CCNL1: variants seen among roughly 807,000 people sequenced by gnomAD.
CCNL1 encodes the protein cyclin L1.
Under a neutral mutation model 60.6 loss-of-function variants are expected in CCNL1, and 13 were observed. That is an observed-to-expected ratio of 0.21 (90% confidence interval 0.14 to 0.34). The LOEUF is 0.34. CCNL1 is among the 10% of genes least tolerant of loss of function. The pLI, the probability that CCNL1 is intolerant of heterozygous loss-of-function variation, is 1.00. For synonymous variants in CCNL1, 270 were observed against 244.3 expected, an observed-to-expected ratio of 1.10 and a Z score of -0.98; for missense variants, 481 against 664.3, an observed-to-expected ratio of 0.72 and a Z score of 3.03.
chr3:157,152,620 T>C, intron 4 of CCNL1: 6 of 1,072,338 alleles, frequency 5.6e-6, no homozygotes, highest in South Asian at 2.9e-5. Context: ...CTAAGAGATG[T>C]TGGGAGAAAC....
chr3:157,159,653 C>G, intron 1 of CCNL1, 139 bp downstream of exon 1: 1 of 1,043,886 alleles, frequency 9.6e-7, no homozygotes. Context: ...CCGGCACGCC[C>G]CGGCCGCGGC....
intron 4 of CCNL1, chr3:157,152,488 G>A: frequency 1.7e-6 from 2 of 1,187,166 alleles, no homozygotes; most frequent in Non-Finnish European, 1.0e-6. Context: ...ATTTTTCATT[G>A]GCACTTTACT....
At chr3:157,159,310 C>A in intron 2 of CCNL1, 95 bp downstream of exon 2, 1 of 1,154,754 alleles carries the variant, frequency 8.7e-7, no homozygotes, top group Admixed American at 2.0e-5. Flanking sequence ...TAAACTAAAC[C>A]ACTCCCTTTC....
chr3:157,148,191 C>G lies in CCNL1; in HGVS notation c.*50G>C. The stretch of plus-strand genomic sequence containing the variant: ...TTTTTGATTGAGTCCATACATCACA[C>G]TGTAGATAGGCAAAACCAAGAACTG... On this transcript the variant is annotated 3_prime_UTR_variant, in exon 11 of 11. Coordinates refer to ENST00000295926, the MANE Select transcript of CCNL1 (RefSeq NM_020307.4). 1 of 1,572,900 alleles carries G rather than the reference C, an allele frequency of 6.4e-7. No individual in the cohort carries two copies. The highest frequency in any genetic ancestry group is 8.6e-7 in the Non-Finnish European group (1 of 1,161,280).
intron 3 of CCNL1, among the ~76,000 whole-genome samples, chr3:157,155,956 G>A (rs559451026): frequency 6.6e-6 from 1 of 152,186 alleles, no homozygotes; most frequent in East Asian, 1.9e-4. Flanking sequence ...TGATTTATAC[G>A]AGAATTATTT....
rs777278094 is a variant in CCNL1 at position 157,151,096 on chromosome 3, A to C, written c.675-715T>G. ...AAAAGGTTAAGCTGAAATTAAATGG[A>C]CTATTTCTTAAAAATCCTAAACCAT... On this transcript the variant is annotated intron_variant, in intron 5 of 10. Coordinates refer to ENST00000295926, the MANE Select transcript of CCNL1 (RefSeq NM_020307.4). 8.5e-5 allele frequency: 84 copies of C among 984,784 alleles called. No individual in the cohort carries two copies. The Middle Eastern group carries it at 5.8e-3, about 67-fold the overall frequency. The allele number at this position is 984,784 out of a possible 1,614,324, so 61.0% of individuals were successfully genotyped here.
chr3:157,145,272 TAA>T (rs920615838), downstream of CCNL1, among the ~76,000 whole-genome samples: 4 of 151,332 alleles, frequency 2.6e-5, no homozygotes, highest in African/African-American at 9.7e-5. Flanking sequence ...CCGTCTCTAC[TAA>T]AAACACAAAA....
At chr3:157,149,012 A>AT in intron 10 of CCNL1, 1 of 351,978 alleles carries the variant, frequency 2.8e-6, no homozygotes, top group Non-Finnish European at 5.1e-6. Flanking sequence ...AAAAAAAAAA[A>AT]GAAGTTTTCA....
intron 10 of CCNL1, 49 bp from the exon 11 acceptor site, chr3:157,148,638 G>T: frequency 6.8e-7 from 1 of 1,481,230 alleles, no homozygotes; most frequent in Non-Finnish European, 9.1e-7. Flanking sequence ...ATGGGGAACA[G>T]ATTATTCCGG....
intron 5 of CCNL1, chr3:157,151,962 T>C: frequency 1.5e-6 from 2 of 1,353,868 alleles, no homozygotes; most frequent in Non-Finnish European, 1.9e-6. Context: ...AAGAACAAAG[T>C]TAAATTGAGT....
At chr3:157,151,676 C>A in intron 5 of CCNL1, 4 of 990,196 alleles carry the variant, frequency 4.0e-6, no homozygotes, top group Non-Finnish European at 3.6e-6. Context: ...ATGAACTATT[C>A]ATTTTGATAG....
In CCNL1 at chr3:157,150,852, T is replaced by C. The variant is rs1326581457; in HGVS notation, c.675-471A>G. On this transcript the variant is annotated intron_variant, in intron 5 of 10. Coordinates refer to ENST00000295926, the MANE Select transcript of CCNL1 (RefSeq NM_020307.4). ...AACAGGGGTAAAAAGGCATTTTCAG[T>C]AAGTACCAAGTTAAACTTATATTAA... is the stretch of plus-strand genomic sequence containing the variant. 4.1e-6 allele frequency: 4 copies of C among 986,666 alleles called. No homozygotes were observed. The East Asian group carries it at 4.5e-4, about 111-fold the overall frequency. 61.1% of individuals were successfully genotyped at this position (986,666 alleles called of 1,614,324 possible). A position where few individuals can be genotyped will look rare whatever the true frequency, so the allele number is the denominator to read the frequency against.
At chr3:157,158,794 T>C in intron 3 of CCNL1, 72 bp downstream of exon 3, 1 of 920,006 alleles carries the variant, frequency 1.1e-6, no homozygotes, top group South Asian at 1.5e-5. Context: ...AAAGGAAAGA[T>C]GTTTTGATTT....
rs199703562 is a variant in CCNL1 at position 157,150,166 on chromosome 3, G to C, written c.778C>G (p.Pro260Ala). 5 of 1,611,174 alleles carry C rather than the reference G, an allele frequency of 3.1e-6. No individual in the cohort carries two copies. In the African/African-American group the frequency reaches 5.4e-5, roughly 17 times the overall value. ...AACCAATGGGGACGAGTTGGCAACGGAATCTAAACCATAAGAACAGAATGT... is the reference window on the plus strand; with the variant it reads ...AACCAATGGGGACGAGTTGGCAACGCAATCTAAACCATAAGAACAGAATGT... ...IYLAARALQI[P>A]LPTRPHWFLL... The change falls in exon 7 of 11, where the codon CCG becomes GCG. Residue 260 changes from proline (P) to alanine (A), a missense_variant. Coordinates refer to ENST00000295926, the MANE Select transcript of CCNL1 (RefSeq NM_020307.4).
chr3:157,153,730 A>G (rs1738377261), intron 3 of CCNL1: 1 of 151,998 alleles, frequency 6.6e-6, no homozygotes, highest in Non-Finnish European at 1.5e-5. Flanking sequence ...CATGCATTCT[A>G]TATGGCCAAA....
downstream of CCNL1, chr3:157,146,382 A>G (rs1305717096): frequency 3.5e-6 from 1 of 287,456 alleles, no homozygotes; most frequent in African/African-American, 2.3e-5. Context: ...CCACCTCTAA[A>G]AACACCTTTA....
chr3:157,145,575 A>G (rs59210914), downstream of CCNL1, among the ~76,000 whole-genome samples: 34,394 of 151,840 alleles, frequency 0.23, 4,581 homozygotes, highest in Admixed American at 0.42. Flanking sequence ...GAGACAGAGA[A>G]CAGAGGGAAA....
chr3:157,150,177 A>G lies in CCNL1; in HGVS notation c.775-8T>C. On this transcript the variant is annotated splice_region_variant and splice_polypyrimidine_tract_variant and intron_variant, in intron 6 of 10. Transcript: ENST00000295926. ...ACGAGTTGGCAACGGAATCTAAACC[A>G]TAAGAACAGAATGTTTTAAATTAAA... 3.7e-6 allele frequency: 6 copies of G among 1,611,104 alleles called. No individual in the cohort carries two copies. Among genetic ancestry groups the G allele is most frequent in the South Asian group, 1.1e-5 (1 of 90,764 alleles).
downstream of CCNL1, among the ~76,000 whole-genome samples, chr3:157,145,466 C>CAAAAAAAAAAAA (rs1737755942): frequency 4.2e-4 from 37 of 88,958 alleles, 2 homozygotes; most frequent in African/African-American, 1.3e-3. Context: ...AAAAAAAAAC[C>CAAAAAAAAAAAA]AAAACGGGAT....
Sources: allele counts gnomAD v4.1 joint callset (sites outside exome capture counted in the v4.1 genomes callset), GRCh38; gene constraint gnomAD v4.1.1; transcripts MANE v1.5; gene names NCBI Gene and HGNC (gene_info 2026-07-23, HGNC 2026-07-21).